Variants in EPHA5 observed in about 807,000 individuals in gnomAD.
EPHA5 encodes ephrin type-A receptor 5.
Under a neutral mutation model 105.0 loss-of-function variants are expected in EPHA5, and 60 were observed. The observed-to-expected ratio is 0.57, with a 90% CI of 0.46 to 0.71. The LOEUF is 0.71. Among genes scored for constraint, EPHA5 ranks in the 30% least tolerant of loss-of-function variants. The pLI is 0.00. For missense variants in EPHA5, 1,218 were observed against 1,274.7 expected, an observed-to-expected ratio of 0.96 and a Z score of 0.68; for synonymous variants, 513 against 449.1, an observed-to-expected ratio of 1.14 and a Z score of -1.80.
intron 3 of EPHA5, among the ~76,000 whole-genome samples, chr4:65,508,553 A>G (rs561906663): frequency 7.2e-5 from 11 of 152,264 alleles, no homozygotes; most frequent in Admixed American, 2.6e-4. Context: ...AAAATAAAAA[A>G]GTACAATTAA....
At chr4:65,577,220 C>T (rs1409590896) in intron 3 of EPHA5, among the ~76,000 whole-genome samples, 1 of 152,024 alleles carries the variant, frequency 6.6e-6, no homozygotes, top group East Asian at 1.9e-4. Flanking sequence ...TACGGGTGCA[C>T]TTTATATTAA....
At chr4:65,638,626 C>T (rs903008521) in intron 2 of EPHA5, among the ~76,000 whole-genome samples, 1 of 152,150 alleles carries the variant, frequency 6.6e-6, no homozygotes, top group Non-Finnish European at 1.5e-5. Flanking sequence ...GTAATCCCAG[C>T]TACTCGGAAG....
At chr4:65,512,962 C>T (rs1578299217) in intron 3 of EPHA5, among the ~76,000 whole-genome samples, 1 of 152,036 alleles carries the variant, frequency 6.6e-6, no homozygotes, top group Admixed American at 6.6e-5. Flanking sequence ...TGCGTGATGG[C>T]TTTACTAGAA....
chr4:65,562,768 C>T (rs1003128501), intron 3 of EPHA5, among the ~76,000 whole-genome samples: 7 of 151,936 alleles, frequency 4.6e-5, no homozygotes, highest in Non-Finnish European at 8.8e-5. Context: ...TCTCAAAAGT[C>T]TTCAAGACAC....
At chr4:65,356,429 C>T (rs12645812) in intron 11 of EPHA5, among the ~76,000 whole-genome samples, 51,122 of 150,982 alleles carry the variant, frequency 0.34, 9,130 homozygotes, top group East Asian at 0.46. Context: ...AGAATTTATA[C>T]CCTAAAGAGA....
rs974410257 is a variant in EPHA5 at position 65,543,594 on chromosome 4, C to T, written c.911-48051G>A. On this transcript the variant is annotated intron_variant, in intron 3 of 16. Coordinates refer to ENST00000613740, the MANE Select transcript of EPHA5 (RefSeq NM_001281766.3). ...AGAAAGGACACAAACAAATGGAAAA[C>T]GTTCCATTCTCATAGATTGGAAGAA... Among the ~76,000 whole-genome samples, 56 of 151,934 alleles carry T rather than the reference C, an allele frequency of 3.7e-4. 1 individual carries two copies. Among genetic ancestry groups the T allele is most frequent in the Admixed American group, 3.2e-3 (48 of 15,236 alleles).
At chr4:65,351,868 T>G (rs1329464345) in intron 12 of EPHA5, among the ~76,000 whole-genome samples, 2 of 152,046 alleles carry the variant, frequency 1.3e-5, no homozygotes, top group Admixed American at 6.6e-5. Context: ...AACTCTTTTA[T>G]TCTCAGTCAT....
intron 2 of EPHA5, among the ~76,000 whole-genome samples, chr4:65,606,537 A>G (rs943407634): frequency 6.6e-6 from 1 of 152,314 alleles, no homozygotes; most frequent in Admixed American, 6.5e-5. Flanking sequence ...AAAAACACTA[A>G]GTATTTATTA....
intron 5 of EPHA5, among the ~76,000 whole-genome samples, chr4:65,473,716 C>CT (rs1476716064): frequency 6.6e-6 from 1 of 151,980 alleles, no homozygotes; most frequent in Non-Finnish European, 1.5e-5. Context: ...GACACAGATC[C>CT]AAACCATATC....
At chr4:65,482,220 C>A (rs61474535) in intron 5 of EPHA5, among the ~76,000 whole-genome samples, 9,074 of 145,228 alleles carry the variant, frequency 0.062, 915 homozygotes, top group African/African-American at 0.21. Context: ...AGTGCTTGAA[C>A]CCAGGAGGCG....
chr4:65,534,514 GA>G (rs2149308896), intron 3 of EPHA5, among the ~76,000 whole-genome samples: 1 of 152,144 alleles, frequency 6.6e-6, no homozygotes, highest in East Asian at 1.9e-4. Flanking sequence ...ACTTATAAAA[GA>G]AAAAATGAAA....
intron 5 of EPHA5, among the ~76,000 whole-genome samples, chr4:65,429,319 A>G (rs1724757680): frequency 6.6e-6 from 1 of 152,044 alleles, no homozygotes; most frequent in Non-Finnish European, 1.5e-5. Context: ...AACTTCCATT[A>G]TGGAATACTG....
At position 65,517,969 on chromosome 4, in the gene EPHA5, A is replaced by G. The variant is rs10027446; in HGVS notation, c.911-22426T>C. Among the ~76,000 whole-genome samples, 457 of 152,098 alleles carry G rather than the reference A, an allele frequency of 3.0e-3. 1 individual carries two copies. Among genetic ancestry groups the G allele is most frequent in the African/African-American group, 0.01 (434 of 41,570 alleles). ...ACACCTCAAAATAATAAGATTTGTAAGCAAACTCATATTAAAAGATTAATT... is the reference window on the plus strand; with the variant it reads ...ACACCTCAAAATAATAAGATTTGTAGGCAAACTCATATTAAAAGATTAATT... On this transcript the variant is annotated intron_variant, in intron 3 of 16. Transcript: ENST00000613740.
intron 1 of EPHA5, among the ~76,000 whole-genome samples, chr4:65,647,941 A>G (rs1748268655): frequency 1.3e-5 from 2 of 152,220 alleles, no homozygotes; most frequent in African/African-American, 4.8e-5. Flanking sequence ...AGGAAAAGTC[A>G]CTTAACTGAA....
At chr4:65,619,146 C>CAA (rs544303551) in intron 2 of EPHA5, among the ~76,000 whole-genome samples, 8 of 148,888 alleles carry the variant, frequency 5.4e-5, no homozygotes, top group African/African-American at 2.0e-4. Context: ...AGACTCCGTC[C>CAA]AAAAAAAAAG....
intron 5 of EPHA5, among the ~76,000 whole-genome samples, chr4:65,425,377 T>A (rs1724330045): frequency 1.3e-5 from 2 of 152,068 alleles, no homozygotes; most frequent in African/African-American, 4.8e-5. Flanking sequence ...CATATTAAGG[T>A]ACTTCTTATT....
At chr4:65,585,464 T>A (rs1222632382) in intron 3 of EPHA5, among the ~76,000 whole-genome samples, 4 of 151,830 alleles carry the variant, frequency 2.6e-5, no homozygotes, top group African/African-American at 9.7e-5. Context: ...AAAAAATATT[T>A]ACCAAGAGTG....
chr4:65,370,212 A>T (rs1718322428), intron 8 of EPHA5, among the ~76,000 whole-genome samples: 2 of 152,116 alleles, frequency 1.3e-5, no homozygotes, highest in Non-Finnish European at 2.9e-5. Flanking sequence ...AATGAAAAGG[A>T]GGGAAGAAAC....
chr4:65,426,096 T>A (rs138613638), intron 5 of EPHA5, among the ~76,000 whole-genome samples: 1 of 152,172 alleles, frequency 6.6e-6, no homozygotes, highest in African/African-American at 2.4e-5. Context: ...CAGTGTGTTA[T>A]TGTTCATGCT....
Sources: allele counts gnomAD v4.1 joint callset (sites outside exome capture counted in the v4.1 genomes callset), GRCh38; gene constraint gnomAD v4.1.1; transcripts MANE v1.5; gene names NCBI Gene and HGNC (gene_info 2026-07-23, HGNC 2026-07-21).